LAP3: variants seen among roughly 807,000 people sequenced by gnomAD.
LAP3 encodes the protein cytosol aminopeptidase.
LAP3 carries 46 observed loss-of-function variants against 58.8 expected under a neutral mutation model. That is an observed-to-expected ratio of 0.78 (90% CI 0.62 to 1.00). LAP3 has a LOEUF of 1.00. Among genes scored for constraint, LAP3 ranks in the 50% least tolerant of loss-of-function variants. LAP3 has a pLI of 0.00. For synonymous variants in LAP3, 257 were observed against 237.7 expected, an observed-to-expected ratio of 1.08 and a Z score of -0.75; for missense variants, 615 against 659.1, an observed-to-expected ratio of 0.93 and a Z score of 0.73.
Position 17,597,095 on chromosome 4 carries a change from G to A in LAP3, c.1038G>A (p.Pro346=), listed in dbSNP as rs376517491. The A allele has an allele frequency of 1.4e-5, 23 of 1,614,202 alleles. No homozygotes were observed. The highest frequency in any genetic ancestry group is 1.2e-4 in the Admixed American group (7 of 60,026). Residue 346 remains proline (P), a synonymous_variant, in exon 9 of 13, where the codon CCG becomes CCA. Coordinates refer to ENST00000226299, the MANE Select transcript of LAP3 (RefSeq NM_015907.3). ...TGCCCAGCGGCAAGGCCAACAAGCC[G>A]GGGGATGTTGTTAGAGCCAAAAACG... ...ENMPSGKANK[P]GDVVRAKNGK...
At chr4:17,599,124 A>T (rs1284277992) in intron 10 of LAP3, among the ~76,000 whole-genome samples, 1 of 152,166 alleles carries the variant, frequency 6.6e-6, no homozygotes, top group East Asian at 1.9e-4. Flanking sequence ...CACCTGTCTC[A>T]GCCTCCCAAA....
In LAP3 at chr4:17,577,304, C is replaced by T; in HGVS notation, c.-162C>T. On this transcript the variant is annotated 5_prime_UTR_variant, in exon 1 of 13. Transcript: ENST00000226299. ...ATCCCAGCGGTCCAGTCGGCCGGTG[C>T]TGCCCATCCGTCCCGCCCCCTAGAC... 4.4e-6 allele frequency: 1 copy of T among 229,250 alleles called. No individual in the cohort carries two copies. Among genetic ancestry groups the T allele is most frequent in the South Asian group, 4.1e-5 (1 of 24,212 alleles). 14.2% of individuals were successfully genotyped at this position (229,250 alleles called of 1,614,324 possible). A position where few individuals can be genotyped will look rare whatever the true frequency, so the allele number is the denominator to read the frequency against.
chr4:17,596,259 A>T (rs1025055451), intron 8 of LAP3, among the ~76,000 whole-genome samples: 3 of 152,168 alleles, frequency 2.0e-5, no homozygotes, highest in Admixed American at 6.5e-5. Context: ...ATCTTTTCCG[A>T]GGATTAATTC....
At chr4:17,582,166 C>T in intron 3 of LAP3, 122 bp from the exon 4 acceptor site, 1 of 792,282 alleles carries the variant, frequency 1.3e-6, no homozygotes, top group South Asian at 1.7e-5. Context: ...GTGCGTTTAG[C>T]CCTGTTGCTG....
intron 4 of LAP3, 106 bp downstream of exon 4, chr4:17,582,499 A>G (rs753185062): frequency 8.9e-5 from 69 of 773,394 alleles, no homozygotes; most frequent in Non-Finnish European, 1.3e-4. Flanking sequence ...TACCACGTTC[A>G]CACAGAAATA....
In LAP3 at chr4:17,606,800, C is replaced by T. The variant is rs761659028; in HGVS notation, c.1261-29C>T. ...AATTTCCCACAACCTGCCTCATCCACTCTTCCACCTGTCATACCTGTTCTC... is the reference window on the plus strand; with the variant it reads ...AATTTCCCACAACCTGCCTCATCCATTCTTCCACCTGTCATACCTGTTCTC... On this transcript the variant is annotated intron_variant, in intron 11 of 12. Coordinates refer to ENST00000226299, the MANE Select transcript of LAP3 (RefSeq NM_015907.3). The T allele has an allele frequency of 9.3e-6, 14 of 1,507,384 alleles. No homozygotes were observed. In the Admixed American group the frequency reaches 2.0e-4, roughly 21 times the overall value. 93.4% of individuals were successfully genotyped at this position (1,507,384 alleles called of 1,614,324 possible).
intron 6 of LAP3, chr4:17,587,485 T>C (rs916024170): frequency 1.3e-5 from 2 of 150,600 alleles, no homozygotes; most frequent in African/African-American, 5.0e-5. Context: ...CGATTTAAAA[T>C]TTTTTTCCCT....
chr4:17,582,856 T>G (rs779868918), intron 4 of LAP3, among the ~76,000 whole-genome samples: 4 of 152,214 alleles, frequency 2.6e-5, no homozygotes, highest in Non-Finnish European at 4.4e-5. Context: ...TTGAGTCACT[T>G]AGCATTAAGC....
intron 3 of LAP3, 139 bp downstream of exon 3, chr4:17,581,953 T>A: frequency 1.3e-6 from 1 of 748,420 alleles, no homozygotes; most frequent in Admixed American, 2.7e-5. Flanking sequence ...ACATTTAAGA[T>A]TAAGAGGCGA....
intron 2 of LAP3, among the ~76,000 whole-genome samples, chr4:17,580,980 TC>T (rs1206291080): frequency 1.3e-5 from 2 of 152,244 alleles, no homozygotes; most frequent in African/African-American, 4.8e-5. Flanking sequence ...TTTTATCAGT[TC>T]TTGTAGTACA....
chr4:17,596,237 G>A (rs1413547808), intron 8 of LAP3, among the ~76,000 whole-genome samples: 1 of 152,134 alleles, frequency 6.6e-6, no homozygotes, highest in Non-Finnish European at 1.5e-5. Context: ...TCTATGTAAT[G>A]ACAAAACCAT....
At position 17,595,493 on chromosome 4, in the gene LAP3, T is replaced by C; in HGVS notation, c.947T>C (p.Ile316Thr). Residue 316 changes from isoleucine (I) to threonine (T), a missense_variant, in exon 8 of 13, where the codon ATC becomes ACC. Coordinates refer to ENST00000226299, the MANE Select transcript of LAP3 (RefSeq NM_015907.3). ...MGGAATICSA[I>T]VSAAKLNLPI... is the part of the protein sequence containing the mutation. ...GGAGCTGCAACTATATGCTCAGCCATCGTGTCTGCTGCAAAGCTTAATTTG... is the reference window on the plus strand; with the variant it reads ...GGAGCTGCAACTATATGCTCAGCCACCGTGTCTGCTGCAAAGCTTAATTTG... The C allele has an allele frequency of 6.2e-7, 1 of 1,614,058 alleles. No individual in the cohort carries two copies.
intron 10 of LAP3, among the ~76,000 whole-genome samples, chr4:17,603,971 G>C (rs763992011): frequency 2.1e-4 from 32 of 151,738 alleles, no homozygotes; most frequent in African/African-American, 5.1e-4. Context: ...GGGATTACAG[G>C]CACCACGCTC....
At chr4:17,599,852 T>C (rs2109023392) in intron 10 of LAP3, among the ~76,000 whole-genome samples, 1 of 152,338 alleles carries the variant, frequency 6.6e-6, no homozygotes, top group East Asian at 1.9e-4. Flanking sequence ...AACTCCCAGC[T>C]GTGCCACTTA....
intron 11 of LAP3, among the ~76,000 whole-genome samples, chr4:17,606,467 T>C (rs1714143008): frequency 1.3e-5 from 2 of 151,974 alleles, no homozygotes; most frequent in Non-Finnish European, 1.5e-5. Flanking sequence ...GCCTCCGGAG[T>C]AGCTGGGACT....
intron 9 of LAP3, 88 bp from the exon 10 acceptor site, chr4:17,598,368 C>T: frequency 1.0e-6 from 1 of 964,530 alleles, no homozygotes. Context: ...TAGCTTTTTC[C>T]AACTTTTCCG....
intron 5 of LAP3, among the ~76,000 whole-genome samples, chr4:17,584,161 G>A (rs185649685): frequency 4.3e-4 from 66 of 152,376 alleles, no homozygotes; most frequent in African/African-American, 1.5e-3. Flanking sequence ...GGCAGCTGTG[G>A]GGAGTGGGGG....
chr4:17,595,444 G>A lies in LAP3; in HGVS notation c.898G>A (p.Asp300Asn), dbSNP rs745602075. The A allele has an allele frequency of 1.9e-6, 3 of 1,613,824 alleles. No individual in the cohort carries two copies. In the Admixed American group the frequency reaches 5.0e-5, roughly 27 times the overall value. The change falls in exon 8 of 13, where the codon GAC (aspartate) becomes AAC (asparagine). Residue 300 changes from aspartate to asparagine, a missense_variant. Physicochemically the swap from Asp to Asn is conservative, Grantham distance 23. Coordinates refer to ENST00000226299, the MANE Select transcript of LAP3 (RefSeq NM_015907.3). The stretch of plus-strand genomic sequence containing the variant: ...CTCCATCAAGGCTTCTGCAAATATG[G>A]ACCTCATGAGGGCTGACATGGGAGG... ...GISIKASANM[D>N]LMRADMGGAA...
intron 7 of LAP3, among the ~76,000 whole-genome samples, chr4:17,589,544 T>C (rs987790790): frequency 1.3e-5 from 2 of 152,220 alleles, no homozygotes; most frequent in Admixed American, 6.5e-5. Context: ...AAAGAAACCA[T>C]GACTCAGAGT....
Sources: gnomAD v4.1 joint callset for allele counts (sites outside exome capture counted in the v4.1 genomes callset) on GRCh38, gnomAD v4.1.1 for gene constraint, MANE v1.5 for transcripts, NCBI Gene and HGNC (gene_info 2026-07-23, HGNC 2026-07-21) for gene names.